PLD1: variants seen among roughly 807,000 people sequenced by gnomAD.
PLD1 encodes the protein phospholipase D1, also known as choline phosphatase 1.
PLD1 carries 112 observed loss-of-function variants against 137.1 expected under a neutral mutation model. The observed-to-expected ratio is 0.82, with a 90% CI of 0.70 to 0.96. The LOEUF (loss-of-function observed/expected upper bound fraction) is 0.96, where lower values mean the gene tolerates loss of function less well. Ranked by LOEUF, PLD1 falls within the 40% of genes least tolerant of loss-of-function variation. The pLI is 0.00. For synonymous variants in PLD1, 431 were observed against 454.7 expected (o/e 0.95, Z 0.66); for missense variants, 1,321 against 1,342.0 (o/e 0.98, Z 0.24).
intron 26 of PLD1, among the ~76,000 whole-genome samples, 189 bp from the exon 27 acceptor site, chr3:171,603,491 CAGAT>C (rs1350727335): frequency 3.3e-5 from 5 of 152,150 alleles, no homozygotes; most frequent in African/African-American, 4.8e-5. Flanking sequence ...CTGCTACAAA[CAGAT>C]AGATCTGCTT....
At chr3:171,652,125 G>A (rs1736817573) in intron 21 of PLD1, among the ~76,000 whole-genome samples, 1 of 152,028 alleles carries the variant, frequency 6.6e-6, no homozygotes, top group African/African-American at 2.4e-5. Context: ...TAGATAAAAT[G>A]TGTTTTGGCC....
intron 14 of PLD1, among the ~76,000 whole-genome samples, chr3:171,688,397 A>G (rs996326838): frequency 6.6e-6 from 1 of 152,230 alleles, no homozygotes; most frequent in Non-Finnish European, 1.5e-5. Flanking sequence ...CTTAATTAAA[A>G]TGGAAAACAA....
chr3:171,764,958 GAAA>G lies in PLD1; in HGVS notation c.-31-26879_-31-26877del, dbSNP rs1560289715. 1.1e-4 allele frequency among the ~76,000 whole-genome samples: 7 copies of G among 61,416 alleles called. No homozygotes were observed. In the Admixed American group the frequency reaches 1.2e-3, roughly 10 times the overall value. 40.3% of individuals were successfully genotyped at this position (61,416 alleles called of 152,430 possible). On this transcript the variant is annotated intron_variant, in intron 1 of 26. Transcript: ENST00000351298. ...GGAAAGAAAGAAAGAAAGAAAGAAAGAAAGAAAGAAAGAAAGAAAGAAAGAAAG... is the reference window on the plus strand; with the variant it reads ...GGAAAGAAAGAAAGAAAGAAAGAAAGGAAAGAAAGAAAGAAAGAAAGAAAG...
intron 22 of PLD1, 79 bp from the exon 23 acceptor site, chr3:171,642,968 T>C (rs1419601851): frequency 1.3e-6 from 1 of 784,516 alleles, no homozygotes; most frequent in African/African-American, 1.8e-5. Context: ...GGTTTAATCC[T>C]AACACAAGTA....
intron 23 of PLD1, 27 bp downstream of exon 23, chr3:171,642,810 AATG>A (rs1735877937): frequency 7.4e-7 from 1 of 1,345,246 alleles, no homozygotes. Flanking sequence ...AATAAAAAAC[AATG>A]ATATGAGAAA....
rs549085001 is a variant in PLD1, at chr3:171,619,681, T to A, written c.2728+705A>T. Among the ~76,000 whole-genome samples the A allele has an allele frequency of 2.0e-5, 3 of 152,326 alleles. No individual in the cohort carries two copies. The East Asian group carries it at 5.8e-4, about 29-fold the overall frequency. On this transcript the variant is annotated intron_variant, in intron 24 of 26. Transcript: ENST00000351298. ...AGATCTGTGGTAATGGTTAGGTGGATGTGGTATAAACACATACGAATTACC... is the reference window on the plus strand; with the variant it reads ...AGATCTGTGGTAATGGTTAGGTGGAAGTGGTATAAACACATACGAATTACC...
chr3:171,646,645 A>G (rs546681756), intron 21 of PLD1, among the ~76,000 whole-genome samples: 1 of 150,564 alleles, frequency 6.6e-6, no homozygotes, highest in Non-Finnish European at 1.5e-5. Context: ...ACATCCCTAA[A>G]TGGTGAGCAG....
intron 18 of PLD1, 103 bp from the exon 19 acceptor site, chr3:171,674,716 G>A (rs960766011): frequency 2.1e-5 from 13 of 604,806 alleles, no homozygotes; most frequent in African/African-American, 3.8e-5. Context: ...AGTGGCTCAC[G>A]CCTGTAATCC....
intron 23 of PLD1, among the ~76,000 whole-genome samples, chr3:171,625,545 T>A (rs1463622414): frequency 6.6e-6 from 1 of 152,238 alleles, no homozygotes; most frequent in Non-Finnish European, 1.5e-5. Context: ...ACGGGCAGAC[T>A]GCCTCAAGTG....
chr3:171,751,406 T>C (rs183502810), intron 1 of PLD1, among the ~76,000 whole-genome samples: 246 of 152,098 alleles, frequency 1.6e-3, no homozygotes, highest in African/African-American at 5.5e-3. Context: ...GAACACCAGA[T>C]TGGGAGAAGA....
chr3:171,621,627 T>A (rs1733638524), intron 23 of PLD1, among the ~76,000 whole-genome samples: 1 of 152,178 alleles, frequency 6.6e-6, no homozygotes, highest in Non-Finnish European at 1.5e-5. Context: ...AGCTCTCCCC[T>A]CATATATATA....
At position 171,780,309 on chromosome 3, in the gene PLD1, G is replaced by C. The variant is rs118030992; in HGVS notation, c.-32+30090C>G. Among the ~76,000 whole-genome samples, 33 of 151,882 alleles carry C rather than the reference G, an allele frequency of 2.2e-4. No individual in the cohort carries two copies. The East Asian group carries it at 6.4e-3, about 29-fold the overall frequency. On this transcript the variant is annotated intron_variant, in intron 1 of 26. Transcript: ENST00000351298. ...TTGGATCCATAAGTCTAACATTCAGGACTGGGATTTGGATACTTAAGTCTG... is the reference window on the plus strand; with the variant it reads ...TTGGATCCATAAGTCTAACATTCAGCACTGGGATTTGGATACTTAAGTCTG...
At chr3:171,733,409 A>G in intron 6 of PLD1, 35 bp downstream of exon 6, 1 of 839,162 alleles carries the variant, frequency 1.2e-6, no homozygotes, top group Non-Finnish European at 2.0e-6. Flanking sequence ...TATAGTGAAA[A>G]TTACTCCAAA....
intron 22 of PLD1, chr3:171,643,103 A>G (rs924084731): frequency 2.3e-5 from 9 of 395,448 alleles, no homozygotes; most frequent in African/African-American, 1.0e-4. Context: ...AGGTAGGTAA[A>G]TGGAAAAGTT....
At chr3:171,803,890 T>G (rs755481880) in intron 1 of PLD1, among the ~76,000 whole-genome samples, 1 of 152,160 alleles carries the variant, frequency 6.6e-6, no homozygotes, top group Non-Finnish European at 1.5e-5. Flanking sequence ...GTAAAATAAT[T>G]AGTAAGTCAG....
In PLD1 at chr3:171,735,648, A is replaced by T. The variant is rs779461306; in HGVS notation, c.289-11T>A. ...ATTAATACTTGGTACCTACAGTGAT[A>T]CATAAAAATGTTTGATATTTTAGAT... is the stretch of plus-strand genomic sequence containing the variant. On this transcript the variant is annotated splice_polypyrimidine_tract_variant and intron_variant, in intron 3 of 26. Transcript: ENST00000351298. 5 of 1,438,458 alleles carry T rather than the reference A, an allele frequency of 3.5e-6. No homozygotes were observed. Among genetic ancestry groups the T allele is most frequent in the Non-Finnish European group, 4.9e-6 (5 of 1,023,022 alleles). 89.1% of individuals were successfully genotyped at this position (1,438,458 alleles called of 1,614,324 possible).
intron 1 of PLD1, among the ~76,000 whole-genome samples, chr3:171,782,308 C>T (rs1702358444): frequency 6.6e-6 from 1 of 152,138 alleles, no homozygotes; most frequent in South Asian, 2.1e-4. Context: ...ATGTTCTGTA[C>T]CTTGAAAAGG....
At chr3:171,764,878 A>AGGAAGGAAGGAAAG (rs1491270656) in intron 1 of PLD1, among the ~76,000 whole-genome samples, 2 of 21,238 alleles carry the variant, frequency 9.4e-5, no homozygotes, top group Non-Finnish European at 2.1e-4. Flanking sequence ...AAAGAAAGAA[A>AGGAAGGAAGGAAAG]GAAAGAAAGA....
In PLD1 at chr3:171,611,417, C is replaced by G. The variant is rs1202068986; in HGVS notation, c.2882+862G>C. 1.7e-5 allele frequency: 6 copies of G among 346,962 alleles called. No homozygotes were observed. The East Asian group carries it at 4.4e-4, about 26-fold the overall frequency. 21.5% of individuals were successfully genotyped at this position (346,962 alleles called of 1,614,324 possible). A position where few individuals can be genotyped will look rare whatever the true frequency, so the allele number is the denominator to read the frequency against. On this transcript the variant is annotated intron_variant, in intron 25 of 26. Transcript: ENST00000351298. Reference sequence around the variant, plus strand: ...GATCTAGAAGGTTCTAGAGGGACCACTGTGTTGAGAAAACACAACAGGGGA... The same window carrying G: ...GATCTAGAAGGTTCTAGAGGGACCAGTGTGTTGAGAAAACACAACAGGGGA...
Sources: gnomAD v4.1 joint callset for allele counts (sites outside exome capture counted in the v4.1 genomes callset) on GRCh38, gnomAD v4.1.1 for gene constraint, MANE v1.5 for transcripts, NCBI Gene and HGNC (gene_info 2026-07-23, HGNC 2026-07-21) for gene names.